Variants in ECPAS observed in about 807,000 individuals in gnomAD.
ECPAS encodes proteasome adapter and scaffold protein ECM29.
In ECPAS, 70 loss-of-function variants were observed where a neutral mutation model predicts 255.1. That is an observed-to-expected ratio of 0.27 (90% confidence interval 0.23 to 0.33). ECPAS has a LOEUF of 0.33. Ranked by LOEUF, ECPAS falls within the 10% of genes least tolerant of loss-of-function variation. The pLI, the probability that ECPAS is intolerant of heterozygous loss-of-function variation, is 1.00. For synonymous variants in ECPAS, 784 were observed against 775.0 expected (o/e 1.01, Z -0.19); for missense variants, 1,817 against 2,206.4 (o/e 0.82, Z 3.54).
At chr9:111,379,886 C>G (rs543832042) in intron 35 of ECPAS, among the ~76,000 whole-genome samples, 3 of 152,308 alleles carry the variant, frequency 2.0e-5, no homozygotes, top group East Asian at 1.9e-4. Context: ...GCCCCACTTA[C>G]GATTTCCACC....
At chr9:111,437,358 A>G (rs2098239655) in intron 6 of ECPAS, among the ~76,000 whole-genome samples, 1 of 152,238 alleles carries the variant, frequency 6.6e-6, no homozygotes, top group African/African-American at 2.4e-5. Context: ...AACAATGAAT[A>G]TAAATATTTT....
intron 2 of ECPAS, among the ~76,000 whole-genome samples, chr9:111,452,139 A>G (rs1312663045): frequency 6.6e-6 from 1 of 152,206 alleles, no homozygotes; most frequent in African/African-American, 2.4e-5. Context: ...TTCAACCAGT[A>G]CACTGCAGCG....
chr9:111,483,906 G>A lies in ECPAS; in HGVS notation c.-83+210C>T, dbSNP rs1460499601. ...CGGTTTTATATTTAGAAAGAGCTGA[G>A]CCATCCTCCCAGCGGCCCCCCCGCC... On this transcript the variant is annotated intron_variant, in intron 1 of 49. Coordinates refer to ENST00000684092, the MANE Select transcript of ECPAS (RefSeq NM_001364929.1). The A allele has an allele frequency of 9.4e-6, 6 of 638,278 alleles. No individual in the cohort carries two copies. The Admixed American group carries it at 3.2e-4, about 34-fold the overall frequency. The allele number at this position is 638,278 out of a possible 1,614,324, so 39.5% of individuals were successfully genotyped here. A position where few individuals can be genotyped will look rare whatever the true frequency, so the allele number is the denominator to read the frequency against.
intron 2 of ECPAS, among the ~76,000 whole-genome samples, chr9:111,454,072 A>T (rs995093983): frequency 6.6e-6 from 1 of 152,292 alleles, no homozygotes; most frequent in Admixed American, 6.5e-5. Context: ...ATAAATGCTG[A>T]ATGCTGCTGT....
At position 111,422,196 on chromosome 9, in the gene ECPAS, T is replaced by A. The variant is rs965387154; in HGVS notation, c.1270A>T (p.Met424Leu). The change falls in exon 14 of 50, where the codon ATG (methionine) becomes TTG (leucine). Residue 424 changes from methionine to leucine, a missense_variant. Transcript: ENST00000684092. ...ATATCCTTAGTGAATAAATGTGGCATCCGACTGCAAAAGAATGTAAAAATA... is the reference window on the plus strand; with the variant it reads ...ATATCCTTAGTGAATAAATGTGGCAACCGACTGCAAAAGAATGTAAAAATA... ...YSAVGKLSSR[M>L]PHLFTKDIAL... 15 of 1,613,096 alleles carry A rather than the reference T, an allele frequency of 9.3e-6. No individual in the cohort carries two copies. The highest frequency in any genetic ancestry group is 1.3e-5 in the African/African-American group (1 of 74,862).
Position 111,412,031 on chromosome 9 carries a change from T to C in ECPAS, c.2197A>G (p.Thr733Ala). Residue 733 changes from threonine (T) to alanine (A), a missense_variant, in exon 21 of 50, where the codon ACT (threonine) becomes GCT (alanine). Physicochemically the swap from Thr to Ala is moderately conservative, Grantham distance 58 (BLOSUM62 0). Around this residue, in one of 4 missense-constraint regions of ECPAS, gnomAD observed 194 missense variants for 152.8 expected, o/e 1.27. Transcript: ENST00000684092. ...LKSMIEQLIK[T>A]TKDNHSPEIQ... is the part of the protein sequence containing the mutation. ...TAACATACGTGATTGTCTTTTGTAGTCTTTATAAGCTGTTCTATCATTGAT... is the reference window on the plus strand; with the variant it reads ...TAACATACGTGATTGTCTTTTGTAGCCTTTATAAGCTGTTCTATCATTGAT... 1 of 1,564,042 alleles carries C rather than the reference T, an allele frequency of 6.4e-7. No homozygotes were observed. Among genetic ancestry groups the C allele is most frequent in the South Asian group, 1.2e-5 (1 of 81,968 alleles).
chr9:111,469,273 C>A (rs1434712209), intron 2 of ECPAS, among the ~76,000 whole-genome samples: 1 of 152,164 alleles, frequency 6.6e-6, no homozygotes, highest in Non-Finnish European at 1.5e-5. Flanking sequence ...GTGGCTCACA[C>A]CTGTAATCCC....
intron 19 of ECPAS, among the ~76,000 whole-genome samples, 186 bp from the exon 20 acceptor site, chr9:111,414,172 T>C (rs2131741028): frequency 6.6e-6 from 1 of 152,076 alleles, no homozygotes; most frequent in Middle Eastern, 3.4e-3. Flanking sequence ...AATTTACAGA[T>C]GAGCTATCTA....
At chr9:111,390,163 T>G in intron 29 of ECPAS, 62 bp from the exon 30 acceptor site, 2 of 977,686 alleles carry the variant, frequency 2.0e-6, no homozygotes, top group Non-Finnish European at 3.1e-6. Context: ...CCTAAAAAAT[T>G]ACATCATCAA....
At chr9:111,467,499 G>A (rs1038573594) in intron 2 of ECPAS, among the ~76,000 whole-genome samples, 2 of 152,036 alleles carry the variant, frequency 1.3e-5, no homozygotes, top group East Asian at 1.9e-4. Context: ...ACAGGTTTCA[G>A]GTTTTTTAAG....
At chr9:111,412,717 A>C (rs1005287445) in intron 20 of ECPAS, among the ~76,000 whole-genome samples, 1 of 152,238 alleles carries the variant, frequency 6.6e-6, no homozygotes, top group African/African-American at 2.4e-5. Context: ...AAATCATTTT[A>C]AAATCAGTCA....
At chr9:111,375,496 C>T (rs978226502) in intron 37 of ECPAS, among the ~76,000 whole-genome samples, 2 of 152,116 alleles carry the variant, frequency 1.3e-5, no homozygotes, top group Admixed American at 6.5e-5. Flanking sequence ...GGCCTACTTC[C>T]TCTTTATCAA....
In ECPAS at chr9:111,366,573, G is replaced by A. The variant is rs184798401; in HGVS notation, c.5168C>T (p.Thr1723Met). Residue 1723 changes from threonine to methionine, a missense_variant, in exon 47 of 50, where the codon ACG becomes ATG. Physicochemically the swap from Thr to Met is moderately conservative, Grantham distance 81. Around this residue, in one of 4 missense-constraint regions of ECPAS, gnomAD observed 960 missense variants for 1,179.0 expected, o/e 0.81. Coordinates refer to ENST00000684092, the MANE Select transcript of ECPAS (RefSeq NM_001364929.1). ...KLMCERLKLS[T>M]WKVQLGVLQS... ...CAGGACTCCTAGCTGCACTTTCCAC[G>A]TGCTGAGTTTTAGCCGTTCACACAT... 15 of 1,613,366 alleles carry A rather than the reference G, an allele frequency of 9.3e-6. 1 individual carries two copies. The highest frequency in any genetic ancestry group is 3.3e-5 in the Admixed American group (2 of 59,912).
rs1195488378 is a variant in ECPAS, at chr9:111,389,572, A to C, written c.3431T>G (p.Val1144Gly). ...QAMTSIWNAL[V>G]TDKSMVDKYL... ...GACACTTACCATGGATTTGTCAGTGACCAACGCATTCCAAATACTTGTCAT... is the reference window on the plus strand; with the variant it reads ...GACACTTACCATGGATTTGTCAGTGCCCAACGCATTCCAAATACTTGTCAT... The change falls in exon 31 of 50, where the codon GTC (valine) becomes GGC (glycine). Residue 1144 changes from valine to glycine, a missense_variant. Coordinates refer to ENST00000684092, the MANE Select transcript of ECPAS (RefSeq NM_001364929.1). 1.2e-6 allele frequency: 2 copies of C among 1,613,342 alleles called. No individual in the cohort carries two copies. The highest frequency in any genetic ancestry group is 2.2e-5 in the East Asian group (1 of 44,890).
intron 34 of ECPAS, among the ~76,000 whole-genome samples, 154 bp from the exon 35 acceptor site, chr9:111,383,486 A>G (rs1474419676): frequency 6.6e-6 from 1 of 152,232 alleles, no homozygotes; most frequent in South Asian, 2.1e-4. Flanking sequence ...ATGAGATCGG[A>G]GATTGAGTCC....
chr9:111,382,243 G>A (rs375972946), intron 35 of ECPAS, among the ~76,000 whole-genome samples: 5 of 149,876 alleles, frequency 3.3e-5, no homozygotes, highest in African/African-American at 1.2e-4. Flanking sequence ...TTTTACTGAG[G>A]AGAGCAAAAA....
intron 38 of ECPAS, 62 bp from the exon 39 acceptor site, chr9:111,374,100 A>G: frequency 7.4e-7 from 1 of 1,349,522 alleles, no homozygotes; most frequent in African/African-American, 1.4e-5. Context: ...CTACCAAACC[A>G]TTGGCTTAGG....
intron 19 of ECPAS, 70 bp from the exon 20 acceptor site, chr9:111,414,056 T>C: frequency 1.9e-6 from 2 of 1,047,440 alleles, no homozygotes; most frequent in South Asian, 3.3e-5. Flanking sequence ...ACTAAATTCC[T>C]TTAAAGTATA....
intron 38 of ECPAS, among the ~76,000 whole-genome samples, 193 bp downstream of exon 38, chr9:111,374,918 ACT>A (rs1156837102): frequency 6.6e-6 from 1 of 152,246 alleles, no homozygotes; most frequent in Non-Finnish European, 1.5e-5. Context: ...GTTAATACTT[ACT>A]GGAACAGTTA....
Sources: allele counts gnomAD v4.1 joint callset (sites outside exome capture counted in the v4.1 genomes callset), GRCh38; gene constraint gnomAD v4.1.1; regional missense constraint gnomAD v4.1.1; transcripts MANE v1.5; gene names NCBI Gene and HGNC (gene_info 2026-07-23, HGNC 2026-07-21).